C12orf75: variants seen among roughly 807,000 people sequenced by gnomAD.
C12orf75 encodes overexpressed in colon carcinoma 1 protein.
In C12orf75, 4 loss-of-function variants were observed where a neutral mutation model predicts 11.4. The observed-to-expected ratio is 0.35, with a 90% confidence interval of 0.17 to 0.80. C12orf75 has a LOEUF of 0.80. C12orf75 is among the 30% of genes least tolerant of loss of function. The pLI is 0.52. For synonymous variants in C12orf75, 30 were observed against 30.0 expected (o/e 1.00, Z 0.00); for missense variants, 89 against 80.4 (o/e 1.11, Z -0.41).
At chr12:105,347,710 A>G (rs1014322493) in intron 1 of C12orf75, among the ~76,000 whole-genome samples, 2 of 152,218 alleles carry the variant, frequency 1.3e-5, no homozygotes, top group Non-Finnish European at 2.9e-5. Context: ...ACCCTCACAG[A>G]CACAGCCAGG....
At chr12:105,359,222 C>T (rs1009209022) in intron 2 of C12orf75, among the ~76,000 whole-genome samples, 2 of 152,238 alleles carry the variant, frequency 1.3e-5, no homozygotes, top group Non-Finnish European at 2.9e-5. Context: ...GTAGAATTCA[C>T]CTTTTACTTT....
In C12orf75 at chr12:105,355,189, T is replaced by C. The variant is rs113208615; in HGVS notation, c.71+6563T>C. Reference sequence around the variant, plus strand: ...TTTTCTTTTTCTTTTTCTTTTTTTTTTTCAGAGTTTTGCTCTCTTGCCCAG... The same window carrying C: ...TTTTCTTTTTCTTTTTCTTTTTTTTCTTCAGAGTTTTGCTCTCTTGCCCAG... On this transcript the variant is annotated intron_variant, in intron 2 of 5. Coordinates refer to ENST00000443585, the MANE Select transcript of C12orf75 (RefSeq NM_001145199.2). Among the ~76,000 whole-genome samples, 406 of 139,486 alleles carry C rather than the reference T, an allele frequency of 2.9e-3. 5 individuals carry two copies. Among genetic ancestry groups the C allele is most frequent in the African/African-American group, 9.0e-3 (345 of 38,366 alleles). 91.5% of individuals were successfully genotyped at this position (139,486 alleles called of 152,430 possible).
At chr12:105,340,427 C>T (rs1469652047) in intron 1 of C12orf75, among the ~76,000 whole-genome samples, 7 of 88,780 alleles carry the variant, frequency 7.9e-5, no homozygotes, top group Admixed American at 2.5e-4. Context: ...TCCGTGCCCC[C>T]GCCAAAAAAA....
intron 5 of C12orf75, among the ~76,000 whole-genome samples, chr12:105,368,909 T>C (rs932938338): frequency 6.6e-6 from 1 of 152,216 alleles, no homozygotes; most frequent in Non-Finnish European, 1.5e-5. Flanking sequence ...TTTCTATTTC[T>C]AGTATTTTTA....
intron 1 of C12orf75, among the ~76,000 whole-genome samples, chr12:105,335,090 C>T (rs1043139692): frequency 3.9e-5 from 6 of 152,198 alleles, no homozygotes; most frequent in African/African-American, 7.2e-5. Context: ...CTGATCTTAA[C>T]TTTGCAGGCA....
chr12:105,366,719 G>A (rs1871483564), intron 4 of C12orf75, 23 bp downstream of exon 4: 2 of 1,266,528 alleles, frequency 1.6e-6, no homozygotes, highest in East Asian at 2.5e-5. Context: ...ATGTGCTGTT[G>A]ATTTTCCCTA....
chr12:105,337,839 A>C (rs1419244176), intron 1 of C12orf75, among the ~76,000 whole-genome samples: 1 of 152,130 alleles, frequency 6.6e-6, no homozygotes, highest in Admixed American at 6.5e-5. Flanking sequence ...ACCTTGCCAT[A>C]TGAATGCAGC....
chr12:105,354,263 A>G (rs1892748057), intron 2 of C12orf75, among the ~76,000 whole-genome samples: 1 of 152,202 alleles, frequency 6.6e-6, no homozygotes, highest in Non-Finnish European at 1.5e-5. Context: ...TCCTTAGTAT[A>G]ATTATCTGTG....
chr12:105,331,723 A>G (rs945502301), intron 1 of C12orf75, among the ~76,000 whole-genome samples: 1 of 152,086 alleles, frequency 6.6e-6, no homozygotes, highest in Non-Finnish European at 1.5e-5. Context: ...ACTTTTGCCA[A>G]AACTCACCCT....
chr12:105,332,769 A>G (rs1892450586), intron 1 of C12orf75, among the ~76,000 whole-genome samples: 2 of 151,748 alleles, frequency 1.3e-5, no homozygotes, highest in Non-Finnish European at 2.9e-5. Flanking sequence ...AAGAAAATAG[A>G]AAGATGGTAA....
At chr12:105,333,014 A>C (rs796812246) in intron 1 of C12orf75, among the ~76,000 whole-genome samples, 25 of 151,766 alleles carry the variant, frequency 1.6e-4, no homozygotes, top group African/African-American at 5.8e-4. Flanking sequence ...AGAGCATGCT[A>C]TTCTCTCCTC....
intron 1 of C12orf75, among the ~76,000 whole-genome samples, chr12:105,331,848 TG>T (rs1212972996): frequency 6.6e-6 from 1 of 152,178 alleles, no homozygotes; most frequent in African/African-American, 2.4e-5. Flanking sequence ...CTCCTCCAAT[TG>T]AAGTCAACCA....
chr12:105,341,071 A>G (rs1186702938), intron 1 of C12orf75, among the ~76,000 whole-genome samples: 1 of 152,244 alleles, frequency 6.6e-6, no homozygotes, highest in Non-Finnish European at 1.5e-5. Context: ...TACAGCAGCC[A>G]TGTGAAACGA....
rs1892407325 is a variant in C12orf75, at chr12:105,330,701, C to T, written c.-191C>T. 2 of 404,510 alleles carry T rather than the reference C, an allele frequency of 4.9e-6. No individual in the cohort carries two copies. Among genetic ancestry groups the T allele is most frequent in the African/African-American group, 2.2e-5 (1 of 46,398 alleles). The allele number at this position is 404,510 out of a possible 1,614,324, so 25.1% of individuals were successfully genotyped here. ...CGAGGGGTGCCGGGTGGTTTCCGCCCGGCAGCCCGCAGCCCGCTGCGCCCC... is the reference window on the plus strand; with the variant it reads ...CGAGGGGTGCCGGGTGGTTTCCGCCTGGCAGCCCGCAGCCCGCTGCGCCCC... On this transcript the variant is annotated 5_prime_UTR_variant, in exon 1 of 6. Transcript: ENST00000443585.
rs564433112 is a variant in C12orf75, at chr12:105,356,469, G to A, written c.71+7843G>A. Among the ~76,000 whole-genome samples, 313 of 86,530 alleles carry A rather than the reference G, an allele frequency of 3.6e-3. 1 individual carries two copies. The highest frequency in any genetic ancestry group is 5.8e-3 in the Non-Finnish European group (257 of 44,446). The allele number at this position is 86,530 out of a possible 152,430, so 56.8% of individuals were successfully genotyped here. On this transcript the variant is annotated intron_variant, in intron 2 of 5. Coordinates refer to ENST00000443585, the MANE Select transcript of C12orf75 (RefSeq NM_001145199.2). ...TTTTTTTTTTTTTTTTTGCTTTTTA[G>A]ATCATCTCTAATAAGAATAGCTGTA...
chr12:105,345,362 C>T (rs1292818393), intron 1 of C12orf75, among the ~76,000 whole-genome samples: 2 of 151,498 alleles, frequency 1.3e-5, no homozygotes, highest in African/African-American at 2.4e-5. Flanking sequence ...TGGTGGTGCA[C>T]GCCTGTAATC....
At chr12:105,366,545 G>A in intron 3 of C12orf75, 72 bp from the exon 4 acceptor site, 2 of 661,438 alleles carry the variant, frequency 3.0e-6, no homozygotes, top group Non-Finnish European at 5.2e-6. Context: ...ATTGTTTGGA[G>A]TACTCCGTGC....
chr12:105,346,746 C>G (rs1361739872), intron 1 of C12orf75, among the ~76,000 whole-genome samples: 1 of 152,280 alleles, frequency 6.6e-6, no homozygotes, highest in Admixed American at 6.5e-5. Flanking sequence ...ATTACAGATG[C>G]AAAATGAATA....
chr12:105,344,964 G>GCCC (rs35063729), intron 1 of C12orf75, among the ~76,000 whole-genome samples: 9 of 145,212 alleles, frequency 6.2e-5, no homozygotes, highest in South Asian at 2.2e-4. Context: ...AAAATTCTAA[G>GCCC]CCCCCCCCCA....
Sources: allele counts gnomAD v4.1 joint callset (sites outside exome capture counted in the v4.1 genomes callset), GRCh38; gene constraint gnomAD v4.1.1; transcripts MANE v1.5; gene names NCBI Gene and HGNC (gene_info 2026-07-23, HGNC 2026-07-21).